CHM: variants seen among roughly 807,000 people sequenced by gnomAD.
CHM encodes CHM Rab escort protein.
CHM carries 10 observed loss-of-function variants against 49.0 expected under a neutral mutation model. The observed-to-expected ratio is 0.20, with a 90% CI of 0.13 to 0.35. CHM has a LOEUF of 0.35. Ranked by LOEUF, CHM falls within the 10% of genes least tolerant of loss-of-function variation. The pLI, the probability that CHM is intolerant of heterozygous loss-of-function variation, is 1.00. For synonymous variants in CHM, 184 were observed against 167.5 expected, an observed-to-expected ratio of 1.10 and a Z score of -0.76; for missense variants, 455 against 478.4, an observed-to-expected ratio of 0.95 and a Z score of 0.46.
chrX:85,890,977 C>T (rs1429403649), intron 12 of CHM, among the ~76,000 whole-genome samples: 2 of 111,338 alleles, frequency 1.8e-5, no homozygotes, highest in African/African-American at 6.5e-5. Context: ...AGCTGAGGAA[C>T]TTGTTGGGAA....
At chrX:85,993,810 T>G (rs771824308) in intron 2 of CHM, among the ~76,000 whole-genome samples, 1 of 111,820 alleles carries the variant, frequency 8.9e-6, no homozygotes, top group East Asian at 2.8e-4. Flanking sequence ...CCAAATGCTA[T>G]TCCACCATAA....
In CHM at chrX:85,878,848, ATTG is replaced by A. The variant is rs969445367; in HGVS notation, c.1609+114_1609+116del. 12 of 531,602 alleles carry A rather than the reference ATTG, an allele frequency of 2.3e-5. No homozygotes were observed. In the Admixed American group the frequency reaches 2.9e-4, roughly 13 times the overall value. 43.8% of individuals were successfully genotyped at this position (531,602 alleles called of 1,213,427 possible). On this transcript the variant is annotated intron_variant, in intron 13 of 14. Coordinates refer to ENST00000357749, the MANE Select transcript of CHM (RefSeq NM_000390.4). ...TCAAGCATCTTATCAAAACATGTGA[ATTG>A]TTGTTGAATACATCCCATTTCAGTT...
intron 2 of CHM, among the ~76,000 whole-genome samples, chrX:86,021,126 G>GTTTATA (rs1555967708): frequency 1.8e-5 from 1 of 55,976 alleles, no homozygotes; most frequent in Non-Finnish European, 3.1e-5. Flanking sequence ...GTGTATATAC[G>GTTTATA]TATATATATA....
intron 9 of CHM, chrX:85,903,734 A>T (rs745313397): frequency 1.8e-4 from 67 of 377,045 alleles, no homozygotes; most frequent in South Asian, 1.6e-3. Flanking sequence ...AATCACTGTC[A>T]AGCGTGCCAC....
At chrX:85,965,201 C>G (rs1019950937) in intron 4 of CHM, among the ~76,000 whole-genome samples, 10 of 112,259 alleles carry the variant, frequency 8.9e-5, no homozygotes, top group Admixed American at 8.5e-4. Context: ...TTTCTTCCCA[C>G]TCTGCATAAT....
intron 5 of CHM, among the ~76,000 whole-genome samples, chrX:85,961,842 AC>A (rs1930312759): frequency 9.0e-6 from 1 of 111,302 alleles, no homozygotes; most frequent in South Asian, 3.8e-4. Flanking sequence ...AACCATTCAA[AC>A]CGATGAAAAT....
At chrX:85,916,487 C>G (rs776521969) in intron 8 of CHM, among the ~76,000 whole-genome samples, 1 of 111,700 alleles carries the variant, frequency 9.0e-6, no homozygotes, top group East Asian at 2.8e-4. Context: ...TTCTGCACAG[C>G]AAAAGAAACT....
chrX:85,947,668 A>C (rs1929490313), intron 8 of CHM, among the ~76,000 whole-genome samples: 1 of 111,699 alleles, frequency 9.0e-6, no homozygotes, highest in African/African-American at 3.3e-5. Context: ...TTATCTATAG[A>C]ACAAAGAGCC....
At chrX:86,043,975 T>A (rs1168976984) in intron 1 of CHM, among the ~76,000 whole-genome samples, 2 of 111,795 alleles carry the variant, frequency 1.8e-5, no homozygotes, top group African/African-American at 6.5e-5. Context: ...CTGCAGCCCA[T>A]CTTAGGGGAA....
intron 4 of CHM, among the ~76,000 whole-genome samples, chrX:85,976,873 C>T (rs1003612037): frequency 4.1e-4 from 33 of 80,704 alleles, no homozygotes; most frequent in Non-Finnish European, 9.9e-5. Context: ...AAAACACACA[C>T]AAACACACAC....
At chrX:85,911,145 A>ATATATATATATG (rs1926923583) in intron 9 of CHM, 116 bp downstream of exon 9, 1 of 16,263 alleles carries the variant, frequency 6.1e-5, no homozygotes, top group African/African-American at 3.4e-4. Flanking sequence ...ATATATATAT[A>ATATATATATATG]TATATATATA....
At chrX:85,898,962 T>C (rs1163390704) in intron 11 of CHM, among the ~76,000 whole-genome samples, 3 of 112,305 alleles carry the variant, frequency 2.7e-5, no homozygotes, top group Non-Finnish European at 5.6e-5. Flanking sequence ...ACAAGTATAT[T>C]TGGGGGACTT....
At chrX:86,045,798 A>C (rs1934631188) in intron 1 of CHM, among the ~76,000 whole-genome samples, 1 of 112,550 alleles carries the variant, frequency 8.9e-6, no homozygotes, top group East Asian at 2.8e-4. Flanking sequence ...TTGATTAAAA[A>C]AATTGTTAAA....
chrX:85,975,359 A>T (rs941767502), intron 4 of CHM, among the ~76,000 whole-genome samples: 5 of 112,499 alleles, frequency 4.4e-5, no homozygotes, highest in African/African-American at 1.6e-4. Flanking sequence ...ACAAAATTGC[A>T]TAACAGCTTT....
rs748810856 is a variant in CHM, at chrX:85,963,886, T to C, written c.481A>G (p.Ser161Gly). 1.7e-6 allele frequency: 2 copies of C among 1,211,327 alleles called. No homozygotes were observed. Among genetic ancestry groups the C allele is most frequent in the East Asian group, 5.9e-5 (2 of 33,813 alleles). ...ACTTCTAGCGCATTCTCTGGATCGC[T>C]GCTTGGAGTTTGTTCTGTGAGCATT... ...CEMLTEQTPS[S>G]DPENALEVNG... The change falls in exon 5 of 15, where the codon AGC (serine) becomes GGC (glycine). Residue 161 changes from serine to glycine, a missense_variant. Ser to Gly is a moderately conservative substitution (Grantham distance 56). Transcript: ENST00000357749.
Position 85,863,939 on chromosome X carries a change from T to C in CHM, c.*691A>G, listed in dbSNP as rs1923529416. On this transcript the variant is annotated 3_prime_UTR_variant, in exon 15 of 15. Coordinates refer to ENST00000357749, the MANE Select transcript of CHM (RefSeq NM_000390.4). ...GACAGACAGAATATTCAAATACCAA[T>C]GAGCCTATCCACACCTTTCCTTCCA... is the stretch of plus-strand genomic sequence containing the variant. 1 of 112,341 alleles carries C rather than the reference T, an allele frequency of 8.9e-6. No individual in the cohort carries two copies. The highest frequency in any genetic ancestry group is 3.2e-5 in the African/African-American group (1 of 30,853). 9.3% of individuals were successfully genotyped at this position (112,341 alleles called of 1,213,427 possible).
intron 8 of CHM, among the ~76,000 whole-genome samples, chrX:85,941,186 C>T (rs895175019): frequency 8.9e-6 from 1 of 111,993 alleles, no homozygotes; most frequent in Non-Finnish European, 1.9e-5. Context: ...AGATTTTGGT[C>T]ATTTTAACTA....
intron 8 of CHM, among the ~76,000 whole-genome samples, chrX:85,939,669 C>T (rs1330126197): frequency 2.7e-5 from 3 of 112,242 alleles, no homozygotes; most frequent in African/African-American, 3.2e-5. Flanking sequence ...GGAGGATATG[C>T]GTATGTGCAC....
intron 4 of CHM, among the ~76,000 whole-genome samples, chrX:85,967,367 A>G (rs893598817): frequency 8.9e-6 from 1 of 112,408 alleles, no homozygotes; most frequent in Admixed American, 9.4e-5. Context: ...AAACTATAAA[A>G]ACACATTTAC....
Sources: allele counts gnomAD v4.1 joint callset (sites outside exome capture counted in the v4.1 genomes callset), GRCh38; gene constraint gnomAD v4.1.1; transcripts MANE v1.5; gene names NCBI Gene and HGNC (gene_info 2026-07-23, HGNC 2026-07-21).